TENM3: variants seen among roughly 807,000 people sequenced by gnomAD.
TENM3 encodes the protein teneurin-3.
TENM3 carries 63 observed loss-of-function variants against 255.1 expected under a neutral mutation model. The ratio of observed to expected loss-of-function variants is 0.25; its 90% CI spans 0.20 to 0.30. The LOEUF (loss-of-function observed/expected upper bound fraction) is 0.30. Ranked by LOEUF, TENM3 falls within the 10% of genes least tolerant of loss-of-function variation. The pLI is 1.00. For synonymous variants in TENM3, 1,306 were observed against 1,322.3 expected, an observed-to-expected ratio of 0.99 and a Z score of 0.27; for missense variants, 2,929 against 3,461.1, an observed-to-expected ratio of 0.85 and a Z score of 3.86.
intron 4 of TENM3, among the ~76,000 whole-genome samples, chr4:182,602,360 T>C (rs747855535): frequency 6.6e-5 from 10 of 152,192 alleles, no homozygotes; most frequent in Non-Finnish European, 1.0e-4. Context: ...GAGCTTCCGG[T>C]TAACATTAGG....
chr4:181,847,415 G>C, the TENM3 span, among the ~76,000 whole-genome samples: 97 of 152,104 alleles, frequency 6.4e-4, 1 homozygote, highest in African/African-American at 1.9e-3. Flanking sequence ...ATTTGCATTG[G>C]TTCCCTTTCA....
intron 3 of TENM3, among the ~76,000 whole-genome samples, chr4:182,436,248 C>G (rs562779901): frequency 6.6e-6 from 1 of 152,188 alleles, no homozygotes; most frequent in African/African-American, 2.4e-5. Context: ...GAGATGTTTC[C>G]CTTATCCAAA....
At chr4:182,597,264 CCGGG>C (rs1317948522) in intron 3 of TENM3, among the ~76,000 whole-genome samples, 2 of 151,960 alleles carry the variant, frequency 1.3e-5, no homozygotes, top group African/African-American at 4.8e-5. Context: ...AAAAAATTAG[CCGGG>C]CGTGGTGGCA....
chr4:182,541,918 C>T lies in TENM3; in HGVS notation c.512-59006C>T, dbSNP rs569481685. ...TACAAAACTTAAAAAAAAAAATTAG[C>T]GAGGCGTAGTGGCGCACACCTGTAG... On this transcript the variant is annotated intron_variant, in intron 3 of 27. Transcript: ENST00000511685. Among the ~76,000 whole-genome samples, 7 of 151,858 alleles carry T rather than the reference C, an allele frequency of 4.6e-5. No individual in the cohort carries two copies. In the East Asian group the frequency reaches 7.8e-4, roughly 17 times the overall value.
At chr4:181,669,837 G>A in the TENM3 span, among the ~76,000 whole-genome samples, 2,549 of 152,204 alleles carry the variant, frequency 0.017, 72 homozygotes, top group African/African-American at 0.057. Context: ...ATCCTTGTTC[G>A]ATGGGACCTC....
chr4:182,430,062 A>G (rs1162338121), intron 3 of TENM3, among the ~76,000 whole-genome samples: 1 of 152,202 alleles, frequency 6.6e-6, no homozygotes, highest in East Asian at 1.9e-4. Context: ...CCATTCTTCA[A>G]TGCAGTATTA....
the TENM3 span, among the ~76,000 whole-genome samples, chr4:181,853,670 G>A: frequency 6.6e-6 from 1 of 152,138 alleles, no homozygotes; most frequent in Non-Finnish European, 1.5e-5. Context: ...GGATGTGGAG[G>A]CATCTGTTGA....
intron 3 of TENM3, among the ~76,000 whole-genome samples, chr4:182,485,325 A>G (rs1301721742): frequency 6.6e-6 from 1 of 152,166 alleles, no homozygotes; most frequent in East Asian, 1.9e-4. Flanking sequence ...CCTTTGTCTA[A>G]TGGCAACTTT....
Position 182,749,983 on chromosome 4 carries a change from G to GAAAA in TENM3, c.3630-1808_3630-1805dup, listed in dbSNP as rs201463686. Among the ~76,000 whole-genome samples the GAAAA allele has an allele frequency of 9.9e-4, 47 of 47,248 alleles. 1 individual carries two copies. In the East Asian group the frequency reaches 0.031, roughly 31 times the overall value. 31.0% of individuals were successfully genotyped at this position (47,248 alleles called of 152,430 possible). ...TCAACATTAGACTGTTTATAGAAAG[G>GAAAA]AAAAAAAAAAAACCTCTAAAATTGC... On this transcript the variant is annotated intron_variant, in intron 19 of 27. Transcript: ENST00000511685.
chr4:182,497,878 A>G (rs866040909), intron 3 of TENM3, among the ~76,000 whole-genome samples: 222 of 142,886 alleles, frequency 1.6e-3, no homozygotes, highest in Middle Eastern at 0.011. Context: ...ATATATATAT[A>G]TATATCTCAA....
chr4:182,619,817 C>G (rs1749927273), intron 4 of TENM3, among the ~76,000 whole-genome samples: 2 of 152,206 alleles, frequency 1.3e-5, no homozygotes, highest in Admixed American at 6.5e-5. Flanking sequence ...AGAGTGAAAA[C>G]AGTGGCACAA....
intron 18 of TENM3, 47 bp downstream of exon 18, chr4:182,738,591 A>C (rs1034314296): frequency 1.3e-6 from 2 of 1,492,752 alleles, no homozygotes; most frequent in Non-Finnish European, 1.8e-6. Flanking sequence ...TATTGTTCAG[A>C]GATAGCTAAT....
chr4:181,553,630 A>G, the TENM3 span, among the ~76,000 whole-genome samples: 4 of 151,564 alleles, frequency 2.6e-5, no homozygotes, highest in Non-Finnish European at 5.9e-5. Context: ...TTTAGTAGAG[A>G]CGGGGTTTCA....
At chr4:182,687,413 C>T (rs1002277871) in intron 11 of TENM3, among the ~76,000 whole-genome samples, 6 of 152,026 alleles carry the variant, frequency 3.9e-5, no homozygotes, top group Non-Finnish European at 7.4e-5. Context: ...TTTTTAAAGA[C>T]CTAACCTGGT....
At chr4:182,052,584 A>C in the TENM3 span, among the ~76,000 whole-genome samples, 1 of 152,130 alleles carries the variant, frequency 6.6e-6, no homozygotes, top group Admixed American at 6.5e-5. Flanking sequence ...TTCACCCTTC[A>C]GTGCTTTCAC....
chr4:181,650,698 A>C, the TENM3 span, among the ~76,000 whole-genome samples: 3 of 152,234 alleles, frequency 2.0e-5, no homozygotes, highest in Admixed American at 2.0e-4. Context: ...ATTGAATAAC[A>C]GGAATCTAGA....
chr4:182,687,871 A>G (rs1361105226), intron 11 of TENM3, among the ~76,000 whole-genome samples: 1 of 152,180 alleles, frequency 6.6e-6, no homozygotes, highest in Non-Finnish European at 1.5e-5. Context: ...TGTTTTCTAT[A>G]TAAAGTATTG....
chr4:181,470,436 T>C, the TENM3 span, among the ~76,000 whole-genome samples: 1 of 152,180 alleles, frequency 6.6e-6, no homozygotes, highest in Admixed American at 6.5e-5. Flanking sequence ...ACTATTTTTC[T>C]GTCACTGTGG....
chr4:182,654,027 T>C (rs1753551722), intron 6 of TENM3, 134 bp downstream of exon 6: 2 of 825,472 alleles, frequency 2.4e-6, no homozygotes, highest in Non-Finnish European at 3.3e-6. Flanking sequence ...CATCTTTTTA[T>C]AAGTTTTTTT....
Sources: allele counts gnomAD v4.1 joint callset (sites outside exome capture counted in the v4.1 genomes callset), GRCh38; gene constraint gnomAD v4.1.1; transcripts MANE v1.5; gene names NCBI Gene and HGNC (gene_info 2026-07-23, HGNC 2026-07-21).